The following TTC3 variants were observed in gnomAD, a reference collection of about 807,000 sequenced individuals.
TTC3 encodes tetratricopeptide repeat domain 3, also known as E3 ubiquitin-protein ligase TTC3.
TTC3 carries 180 observed loss-of-function variants against 249.6 expected under a neutral mutation model. That is an observed-to-expected ratio of 0.72 (90% confidence interval 0.64 to 0.82). TTC3 has a LOEUF of 0.82. Among genes scored for constraint, TTC3 ranks in the 40% least tolerant of loss-of-function variants. The pLI is 0.00. For synonymous variants in TTC3, 717 were observed against 805.0 expected (o/e 0.89, Z 1.85); for missense variants, 2,061 against 2,398.4 (o/e 0.86, Z 2.94).
intron 35 of TTC3, among the ~76,000 whole-genome samples, chr21:37,174,369 A>C (rs149851776): frequency 9.8e-5 from 15 of 152,316 alleles, no homozygotes; most frequent in Non-Finnish European, 1.9e-4. Context: ...ATGTATACCT[A>C]TTCCCTACCA....
chr21:37,073,556 AG>A, intron 1 of TTC3, 83 bp downstream of exon 1: 1 of 957,368 alleles, frequency 1.0e-6, no homozygotes, highest in Non-Finnish European at 1.2e-6. Context: ...CCGCGCGATG[AG>A]GGGGTGTGGC....
At chr21:37,140,575 C>G (rs139032014) in exon 20 of TTC3, 1 of 1,582,188 alleles carries the variant, frequency 6.3e-7, no homozygotes, top group Non-Finnish European at 8.6e-7. Context: ...TATCTGAAGC[C>G]GAAAACCAGT....
intron 16 of TTC3, among the ~76,000 whole-genome samples, chr21:37,130,461 A>G (rs1187198403): frequency 6.6e-6 from 1 of 152,162 alleles, no homozygotes; most frequent in Non-Finnish European, 1.5e-5. Context: ...ATTAGGTAAT[A>G]TCTACCATAT....
In TTC3 at chr21:37,198,174, G is replaced by C. The variant is rs1231163119; in HGVS notation, c.5850+149G>C. The C allele has an allele frequency of 3.8e-6, 4 of 1,055,826 alleles. No homozygotes were observed. In the African/African-American group the frequency reaches 6.5e-5, roughly 17 times the overall value. 65.4% of individuals were successfully genotyped at this position (1,055,826 alleles called of 1,614,324 possible). ...ATTTCAATGTACTTGAATGTGTCCA[G>C]TTAGAGCAATCAGTGAATGGCCGAG... is the stretch of plus-strand genomic sequence containing the variant. On this transcript the variant is annotated intron_variant, in intron 44 of 45. Coordinates refer to ENST00000355666, the Ensembl canonical transcript of TTC3.
Position 37,129,014 on chromosome 21 carries a change from A to C in TTC3, c.1309A>C (p.Lys437Gln), listed in dbSNP as rs765555888. Residue 437 changes from lysine (K) to glutamine (Q), a missense_variant, in exon 16 of 46, where the codon AAA (lysine) becomes CAA (glutamine). Transcript: ENST00000355666. ...TTTTGTGTTCACAGGTCAGCCTCCA[A>C]AACATAAAGGAAAACAAAAATCTCG... The C allele has an allele frequency of 1.3e-5, 20 of 1,595,034 alleles. No homozygotes were observed. Among genetic ancestry groups the C allele is most frequent in the Non-Finnish European group, 1.5e-5 (18 of 1,172,220 alleles).
At chr21:37,158,300 A>C in intron 28 of TTC3, 1 of 723,550 alleles carries the variant, frequency 1.4e-6, no homozygotes, top group Non-Finnish European at 1.7e-6. Flanking sequence ...CCCTCTCAGC[A>C]TACACTCGTC....
intron 29 of TTC3, 127 bp downstream of exon 29, chr21:37,159,872 T>G: frequency 3.9e-6 from 3 of 763,086 alleles, no homozygotes; most frequent in South Asian, 1.6e-5. Context: ...AAAGGACGTC[T>G]GGGTAGTACG....
At chr21:37,199,928 C>T (rs1014740726) in intron 44 of TTC3, among the ~76,000 whole-genome samples, 16 of 152,198 alleles carry the variant, frequency 1.1e-4, no homozygotes, top group Non-Finnish European at 1.9e-4. Flanking sequence ...TCACACCATG[C>T]CATGTGATTA....
At chr21:37,173,992 C>G (rs1050045161) in intron 35 of TTC3, among the ~76,000 whole-genome samples, 1 of 152,156 alleles carries the variant, frequency 6.6e-6, no homozygotes, top group African/African-American at 2.4e-5. Context: ...AGTTTTAATT[C>G]CCATGTGGGA....
chr21:37,120,768 C>T (rs948411099), intron 11 of TTC3, among the ~76,000 whole-genome samples: 1 of 152,180 alleles, frequency 6.6e-6, no homozygotes, highest in Admixed American at 6.5e-5. Context: ...CACGTACCCA[C>T]GTAATTGTTT....
chr21:37,143,222 C>A (rs1040919905), intron 20 of TTC3, among the ~76,000 whole-genome samples: 12 of 152,076 alleles, frequency 7.9e-5, no homozygotes, highest in African/African-American at 2.9e-4. Context: ...AAAGCAATGG[C>A]AACAAAAGCC....
At chr21:37,112,917 A>G (rs1310842586) in intron 11 of TTC3, among the ~76,000 whole-genome samples, 2 of 152,234 alleles carry the variant, frequency 1.3e-5, no homozygotes, top group Admixed American at 6.5e-5. Context: ...AATCCAGCAT[A>G]TAAACAGAAC....
At chr21:37,136,107 G>A (rs1374598725) in intron 18 of TTC3, among the ~76,000 whole-genome samples, 1 of 152,158 alleles carries the variant, frequency 6.6e-6, no homozygotes, top group Admixed American at 6.5e-5. Flanking sequence ...AATTGTGTGT[G>A]TGTGTTCTGA....
At chr21:37,095,157 GTGTGTGTA>G (rs901575977) in intron 8 of TTC3, among the ~76,000 whole-genome samples, 185 bp from the exon 9 acceptor site, 6 of 151,788 alleles carry the variant, frequency 4.0e-5, no homozygotes, top group Admixed American at 2.6e-4. Flanking sequence ...GTGTGTGTGT[GTGTGTGTA>G]TAGTGGGTGT....
Position 37,113,023 on chromosome 21 carries a change from G to A in TTC3, c.900+4577G>A, listed in dbSNP as rs566988805. Reference sequence around the variant, plus strand: ...ATGCTAAAAACTCTCAGTAAATTAGGTATTGATGGGATGTATTTCAAAATA... The same window carrying A: ...ATGCTAAAAACTCTCAGTAAATTAGATATTGATGGGATGTATTTCAAAATA... On this transcript the variant is annotated intron_variant, in intron 11 of 45. Transcript: ENST00000355666. 3.9e-5 allele frequency among the ~76,000 whole-genome samples: 6 copies of A among 152,254 alleles called. No individual in the cohort carries two copies. The South Asian group carries it at 1.2e-3, about 32-fold the overall frequency.
At chr21:37,190,564 A>C (rs966823801) in intron 39 of TTC3, among the ~76,000 whole-genome samples, 6 of 152,202 alleles carry the variant, frequency 3.9e-5, no homozygotes, top group African/African-American at 1.4e-4. Context: ...GCCTGTACTA[A>C]GCACCCACCA....
At chr21:37,082,819 A>T in intron 1 of TTC3, 1 of 969,062 alleles carries the variant, frequency 1.0e-6, no homozygotes, top group Non-Finnish European at 1.2e-6. Context: ...TTATTTTAAT[A>T]TTTAATTTTA....
chr21:37,154,491 A>G (rs1306067792), intron 27 of TTC3, among the ~76,000 whole-genome samples: 1 of 152,224 alleles, frequency 6.6e-6, no homozygotes, highest in Non-Finnish European at 1.5e-5. Flanking sequence ...AGTGAGTATC[A>G]AGTAAGCAAA....
At chr21:37,190,130 CTTTTTTTTTTTTTTT>C (rs138862573) in intron 39 of TTC3, among the ~76,000 whole-genome samples, 734 of 65,066 alleles carry the variant, frequency 0.011, 11 homozygotes, top group Middle Eastern at 0.034. Flanking sequence ...CTTTTTCTTT[CTTTTTTTTTTTTTTT>C]TTTTTTTTTT....
Sources: allele counts gnomAD v4.1 joint callset (sites outside exome capture counted in the v4.1 genomes callset), GRCh38; gene constraint gnomAD v4.1.1; transcripts MANE v1.5; gene names NCBI Gene and HGNC (gene_info 2026-07-23, HGNC 2026-07-21).